The following DGKI variants were observed in gnomAD, a reference collection of about 807,000 sequenced individuals.
The protein encoded by DGKI is DAG kinase iota.
Under a neutral mutation model 147.5 loss-of-function variants are expected in DGKI, and 55 were observed. The observed-to-expected ratio is 0.37, with a 90% confidence interval of 0.30 to 0.47. The LOEUF (loss-of-function observed/expected upper bound fraction) is 0.47. Among genes scored for constraint, DGKI ranks in the 20% least tolerant of loss-of-function variants. DGKI has a pLI of 1.00. For missense variants in DGKI, 1,007 were observed against 1,323.8 expected (o/e 0.76, Z 3.71); for synonymous variants, 469 against 477.1 (o/e 0.98, Z 0.22).
intron 1 of DGKI, among the ~76,000 whole-genome samples, chr7:137,723,796 G>A (rs1236260607): frequency 7.7e-6 from 1 of 130,122 alleles, no homozygotes; most frequent in Non-Finnish European, 1.6e-5. Flanking sequence ...TGCAAACTCC[G>A]CCTCCTGGGC....
chr7:137,696,118 T>C (rs1585381124), intron 1 of DGKI, among the ~76,000 whole-genome samples: 1 of 152,282 alleles, frequency 6.6e-6, no homozygotes, highest in East Asian at 1.9e-4. Flanking sequence ...TTGATTGCTC[T>C]CAAAACAGTC....
chr7:137,832,835 G>T (rs186517111), intron 1 of DGKI, among the ~76,000 whole-genome samples: 9 of 152,328 alleles, frequency 5.9e-5, no homozygotes, highest in Non-Finnish European at 1.2e-4. Context: ...CAGCATCCAA[G>T]TTACTTCTTG....
In DGKI at chr7:137,750,007, G is replaced by T. The variant is rs1244191361; in HGVS notation, c.402-60005C>A. Among the ~76,000 whole-genome samples the T allele has an allele frequency of 1.3e-5, 2 of 152,134 alleles. 1 individual carries two copies. The highest frequency in any genetic ancestry group is 4.1e-4 in the South Asian group (2 of 4,832). On this transcript the variant is annotated intron_variant, in intron 1 of 32. Transcript: ENST00000614521. ...AAAGTGCAAACAGGCAGAACATATT[G>T]TCACAGTAGAGCAGAGACCTGCACA...
intron 19 of DGKI, among the ~76,000 whole-genome samples, chr7:137,565,057 G>A (rs1348263020): frequency 6.6e-6 from 1 of 152,214 alleles, no homozygotes. Context: ...AAATGCTTAT[G>A]TCATTGTAAT....
chr7:137,659,334 T>C lies in DGKI; in HGVS notation c.607-2794A>G, dbSNP rs1822335642. 2.6e-5 allele frequency among the ~76,000 whole-genome samples: 4 copies of C among 152,222 alleles called. No individual in the cohort carries two copies. The South Asian group carries it at 8.3e-4, about 32-fold the overall frequency. On this transcript the variant is annotated intron_variant, in intron 3 of 32. Coordinates refer to ENST00000614521, the MANE Select transcript of DGKI (RefSeq NM_001321708.2). ...AGTTCCTTAATTGAGGGAAACTGTT[T>C]TAGCAAATCGGAAATTTTAATCACT...
At chr7:137,617,636 A>G (rs1820580366) in intron 8 of DGKI, among the ~76,000 whole-genome samples, 1 of 152,026 alleles carries the variant, frequency 6.6e-6, no homozygotes, top group South Asian at 2.1e-4. Flanking sequence ...GGGTGAGGCC[A>G]GGAGGAAATG....
At chr7:137,450,292 C>T (rs1023726224) in intron 27 of DGKI, among the ~76,000 whole-genome samples, 2 of 152,142 alleles carry the variant, frequency 1.3e-5, no homozygotes, top group Admixed American at 6.5e-5. Context: ...TAAGTGCTCT[C>T]ACAATAAAAT....
intron 6 of DGKI, among the ~76,000 whole-genome samples, chr7:137,644,401 C>T (rs982987765): frequency 6.6e-6 from 1 of 152,206 alleles, no homozygotes; most frequent in Non-Finnish European, 1.5e-5. Flanking sequence ...AGAAGACCTT[C>T]ATAACCAATG....
intron 1 of DGKI, among the ~76,000 whole-genome samples, chr7:137,761,953 C>T (rs866817333): frequency 2.0e-4 from 31 of 152,188 alleles, no homozygotes; most frequent in Non-Finnish European, 1.2e-4. Context: ...TCAATCACCT[C>T]GTCCTCATCC....
At chr7:137,582,808 C>T (rs17262773) in intron 14 of DGKI, among the ~76,000 whole-genome samples, 3,061 of 152,170 alleles carry the variant, frequency 0.02, 46 homozygotes, top group Non-Finnish European at 0.033. Context: ...AGAAAGCATG[C>T]GGAAAATGTG....
chr7:137,505,314 G>A (rs1267089508), intron 21 of DGKI, among the ~76,000 whole-genome samples: 2 of 152,098 alleles, frequency 1.3e-5, no homozygotes, highest in African/African-American at 4.8e-5. Context: ...TGGAGAGAAC[G>A]TGCATTGAGA....
intron 1 of DGKI, among the ~76,000 whole-genome samples, chr7:137,796,621 A>T (rs1797041274): frequency 1.3e-5 from 2 of 152,224 alleles, no homozygotes; most frequent in Non-Finnish European, 2.9e-5. Flanking sequence ...GAAATCATTT[A>T]AAAAAGAGCC....
intron 29 of DGKI, among the ~76,000 whole-genome samples, chr7:137,411,732 G>A (rs1218842098): frequency 6.6e-6 from 1 of 152,154 alleles, no homozygotes; most frequent in Non-Finnish European, 1.5e-5. Context: ...CAGGGTTCTT[G>A]TTTGACTAAC....
intron 28 of DGKI, among the ~76,000 whole-genome samples, chr7:137,421,157 T>C (rs1812554345): frequency 6.6e-6 from 1 of 152,210 alleles, no homozygotes; most frequent in Non-Finnish European, 1.5e-5. Flanking sequence ...CAGCTTCTCC[T>C]CCACTGCTGA....
chr7:137,485,271 C>G (rs560274049), intron 23 of DGKI, 103 bp downstream of exon 23: 1 of 885,594 alleles, frequency 1.1e-6, no homozygotes, highest in African/African-American at 1.7e-5. Flanking sequence ...TGAACTCTAT[C>G]CCTAGGGAAG....
chr7:137,558,228 T>A (rs1043261798), intron 19 of DGKI, among the ~76,000 whole-genome samples: 29 of 152,160 alleles, frequency 1.9e-4, no homozygotes, highest in African/African-American at 6.8e-4. Flanking sequence ...AAGATTTTTT[T>A]CATTTTATCA....
chr7:137,415,266 A>T (rs892307375), intron 28 of DGKI, among the ~76,000 whole-genome samples: 1 of 152,220 alleles, frequency 6.6e-6, no homozygotes, highest in African/African-American at 2.4e-5. Context: ...AACATTCAAA[A>T]AATAATAATA....
At chr7:137,631,614 T>TA in intron 6 of DGKI, among the ~76,000 whole-genome samples, 1 of 152,014 alleles carries the variant, frequency 6.6e-6, no homozygotes. Context: ...GGGCAGAACT[T>TA]AGAGTTGGAT....
At chr7:137,518,636 C>T (rs955560038) in intron 21 of DGKI, among the ~76,000 whole-genome samples, 2 of 151,972 alleles carry the variant, frequency 1.3e-5, no homozygotes, top group Admixed American at 6.6e-5. Flanking sequence ...GTTTTAAACC[C>T]TAGATCTGTG....
Sources: allele counts gnomAD v4.1 joint callset (sites outside exome capture counted in the v4.1 genomes callset), GRCh38; gene constraint gnomAD v4.1.1; transcripts MANE v1.5; gene names NCBI Gene and HGNC (gene_info 2026-07-23, HGNC 2026-07-21).